Variants in SLC9A9 observed in about 807,000 individuals in gnomAD.
SLC9A9 encodes solute carrier family 9 member A9, also known as sodium/hydrogen exchanger 9.
Under a neutral mutation model 77.8 loss-of-function variants are expected in SLC9A9, and 62 were observed. The ratio of observed to expected loss-of-function variants is 0.80; its 90% CI spans 0.65 to 0.98. SLC9A9 has a LOEUF of 0.98. SLC9A9 is among the 50% of genes least tolerant of loss of function. The pLI is 0.00. For synonymous variants in SLC9A9, 320 were observed against 283.5 expected (o/e 1.13, Z -1.29); for missense variants, 775 against 774.9 (o/e 1.00, Z 0.00).
intron 13 of SLC9A9, among the ~76,000 whole-genome samples, chr3:143,376,952 A>G (rs1054741342): frequency 5.3e-5 from 8 of 152,228 alleles, no homozygotes; most frequent in Non-Finnish European, 7.3e-5. Flanking sequence ...TTTACACTCT[A>G]TGAGACTAAC....
intron 2 of SLC9A9, among the ~76,000 whole-genome samples, chr3:143,828,022 CT>C (rs908221939): frequency 6.6e-6 from 1 of 152,126 alleles, no homozygotes; most frequent in Non-Finnish European, 1.5e-5. Flanking sequence ...TCCATGTGGC[CT>C]CTCAGAGAGC....
At chr3:143,804,763 C>T (rs1455096380) in intron 2 of SLC9A9, among the ~76,000 whole-genome samples, 1 of 152,152 alleles carries the variant, frequency 6.6e-6, no homozygotes, top group Non-Finnish European at 1.5e-5. Flanking sequence ...CGGTTTAGGA[C>T]TTTCCACCTC....
At chr3:143,516,277 G>C (rs893933396) in intron 9 of SLC9A9, among the ~76,000 whole-genome samples, 6 of 150,812 alleles carry the variant, frequency 4.0e-5, no homozygotes, top group Non-Finnish European at 7.4e-5. Flanking sequence ...TATTTTATTT[G>C]TCTTTTCAGT....
intron 12 of SLC9A9, among the ~76,000 whole-genome samples, chr3:143,428,736 C>T (rs1262735362): frequency 6.6e-6 from 1 of 152,176 alleles, no homozygotes; most frequent in South Asian, 2.1e-4. Flanking sequence ...CAGACACACA[C>T]ACGAATATTA....
At chr3:143,601,320 C>T (rs2037841711) in intron 6 of SLC9A9, among the ~76,000 whole-genome samples, 1 of 152,048 alleles carries the variant, frequency 6.6e-6, no homozygotes, top group Non-Finnish European at 1.5e-5. Flanking sequence ...TGTAACCCTC[C>T]CCACCCCCAA....
At position 143,578,568 on chromosome 3, in the gene SLC9A9, A is replaced by C. The variant is rs954175399; in HGVS notation, c.894+17T>G. 6.2e-7 allele frequency: 1 copy of C among 1,613,708 alleles called. No homozygotes were observed. Among genetic ancestry groups the C allele is most frequent in the African/African-American group, 1.3e-5 (1 of 74,924 alleles). Reference sequence around the variant, plus strand: ...GTTCTTGACAGTCCCAGCTTTCCACATACAGACAAAGGATATCAGTGCTGT... The same window carrying C: ...GTTCTTGACAGTCCCAGCTTTCCACCTACAGACAAAGGATATCAGTGCTGT... On this transcript the variant is annotated intron_variant, in intron 7 of 15. Coordinates refer to ENST00000316549, the MANE Select transcript of SLC9A9 (RefSeq NM_173653.4).
intron 2 of SLC9A9, among the ~76,000 whole-genome samples, chr3:143,804,077 G>C (rs1000809760): frequency 1.3e-5 from 2 of 152,144 alleles, no homozygotes; most frequent in African/African-American, 4.8e-5. Flanking sequence ...TCTCAGCAAA[G>C]ACCCACTGGA....
intron 6 of SLC9A9, among the ~76,000 whole-genome samples, chr3:143,615,404 C>T (rs2038086274): frequency 6.6e-6 from 1 of 152,184 alleles, no homozygotes; most frequent in Non-Finnish European, 1.5e-5. Flanking sequence ...GAATGGTCCA[C>T]AGATGGAGAC....
intron 14 of SLC9A9, among the ~76,000 whole-genome samples, chr3:143,348,787 G>A (rs1360116158): frequency 6.6e-6 from 1 of 152,204 alleles, no homozygotes; most frequent in African/African-American, 2.4e-5. Context: ...GGTCTTAGGA[G>A]TTCATGAAAT....
chr3:143,834,569 C>CT (rs1198900743), intron 1 of SLC9A9, among the ~76,000 whole-genome samples: 1 of 66,274 alleles, frequency 1.5e-5, no homozygotes, highest in Non-Finnish European at 2.9e-5. Context: ...GGGCGAGGCA[C>CT]TCTTTTTTTT....
intron 5 of SLC9A9, among the ~76,000 whole-genome samples, chr3:143,682,726 C>T (rs537288036): frequency 1.3e-5 from 2 of 152,284 alleles, no homozygotes; most frequent in African/African-American, 4.8e-5. Flanking sequence ...CCCTTTCCAA[C>T]TTCCAGAGGC....
intron 5 of SLC9A9, among the ~76,000 whole-genome samples, chr3:143,692,605 A>T (rs947453324): frequency 4.6e-5 from 7 of 152,142 alleles, no homozygotes; most frequent in East Asian, 3.8e-4. Flanking sequence ...AACATTTTTT[A>T]AAAATATCTT....
intron 5 of SLC9A9, among the ~76,000 whole-genome samples, chr3:143,674,810 G>A (rs547014576): frequency 1.2e-4 from 18 of 152,150 alleles, no homozygotes; most frequent in African/African-American, 4.1e-4. Context: ...ATTACATACA[G>A]GTTCTACCAG....
chr3:143,552,068 G>A (rs2036898047), intron 9 of SLC9A9, among the ~76,000 whole-genome samples: 2 of 152,124 alleles, frequency 1.3e-5, no homozygotes, highest in African/African-American at 4.8e-5. Context: ...GCTTTTAGAT[G>A]TAAGTGACTG....
intron 5 of SLC9A9, among the ~76,000 whole-genome samples, chr3:143,662,363 C>T (rs1026721446): frequency 6.6e-6 from 1 of 152,242 alleles, no homozygotes. Flanking sequence ...GGAATGGCTC[C>T]AGTCTACAGC....
At chr3:143,368,110 C>G (rs1604377) in intron 13 of SLC9A9, among the ~76,000 whole-genome samples, 124,551 of 152,132 alleles carry the variant, frequency 0.82, 51,245 homozygotes, top group East Asian at 1. Flanking sequence ...TGTTTTTCTG[C>G]GAAACTTTTA....
At chr3:143,267,589 G>A (rs1168342257) in intron 15 of SLC9A9, among the ~76,000 whole-genome samples, 3 of 152,110 alleles carry the variant, frequency 2.0e-5, no homozygotes, top group African/African-American at 7.2e-5. Context: ...CTGACTGCAA[G>A]TGATCCATTC....
chr3:143,821,616 G>A (rs2009168343), intron 2 of SLC9A9, among the ~76,000 whole-genome samples: 1 of 152,174 alleles, frequency 6.6e-6, no homozygotes, highest in Non-Finnish European at 1.5e-5. Context: ...CCTGTATTTA[G>A]TGATGGGCTT....
At chr3:143,340,738 G>T (rs190775212) in intron 14 of SLC9A9, among the ~76,000 whole-genome samples, 1 of 152,202 alleles carries the variant, frequency 6.6e-6, no homozygotes, top group East Asian at 1.9e-4. Flanking sequence ...ACTCATAAAA[G>T]GTCTCCTGGT....
Sources: allele counts gnomAD v4.1 joint callset (sites outside exome capture counted in the v4.1 genomes callset), GRCh38; gene constraint gnomAD v4.1.1; transcripts MANE v1.5; gene names NCBI Gene and HGNC (gene_info 2026-07-23, HGNC 2026-07-21).